Variants in ZNF423 observed in about 807,000 individuals in gnomAD.
ZNF423 encodes the protein zinc finger protein 423.
Under a neutral mutation model 95.8 loss-of-function variants are expected in ZNF423, and 12 were observed. That is an observed-to-expected ratio of 0.13 (90% CI 0.08 to 0.20). ZNF423 has a LOEUF of 0.20. Among genes scored for constraint, ZNF423 ranks in the 10% least tolerant of loss-of-function variants. The pLI is 1.00. For synonymous variants in ZNF423, 749 were observed against 711.9 expected (o/e 1.05, Z -0.83); for missense variants, 1,316 against 1,737.1 (o/e 0.76, Z 4.31).
At chr16:49,676,351 AG>A (rs2031048902) in intron 3 of ZNF423, among the ~76,000 whole-genome samples, 1 of 152,206 alleles carries the variant, frequency 6.6e-6, no homozygotes, top group Non-Finnish European at 1.5e-5. Context: ...GGAACTGGCA[AG>A]GGAGGGCTGC....
chr16:49,778,181 A>ATGTGTGTGAGAGTGTG (rs1186263839), intron 2 of ZNF423, among the ~76,000 whole-genome samples: 5 of 151,870 alleles, frequency 3.3e-5, no homozygotes, highest in African/African-American at 1.2e-4. Context: ...GCATAATCTC[A>ATGTGTGTGAGAGTGTG]TGTGTGTGAG....
intron 1 of ZNF423, among the ~76,000 whole-genome samples, chr16:49,853,377 C>T (rs1180450829): frequency 6.6e-6 from 1 of 152,142 alleles, no homozygotes; most frequent in African/African-American, 2.4e-5. Flanking sequence ...TATCTTCTCT[C>T]TTAATTCCTC....
rs954309971 is a variant in ZNF423, at chr16:49,844,683, A to G, written c.40+11052T>C. 7.2e-5 allele frequency among the ~76,000 whole-genome samples: 11 copies of G among 152,228 alleles called. 1 individual carries two copies. Among genetic ancestry groups the G allele is most frequent in the Admixed American group, 7.2e-4 (11 of 15,288 alleles). On this transcript the variant is annotated intron_variant, in intron 1 of 7. Coordinates refer to ENST00000563137, the MANE Select transcript of ZNF423 (RefSeq NM_001379286.1). ...CATTCATTCATTCACTTGTTCACCCATTCATATTTATTCCCCATTCATATT... is the reference window on the plus strand; with the variant it reads ...CATTCATTCATTCACTTGTTCACCCGTTCATATTTATTCCCCATTCATATT...
intron 1 of ZNF423, among the ~76,000 whole-genome samples, chr16:49,842,784 G>A (rs2035204384): frequency 1.3e-5 from 2 of 152,058 alleles, no homozygotes; most frequent in African/African-American, 2.4e-5. Flanking sequence ...GACCATCCTG[G>A]CCAACATGGT....
chr16:49,534,892 T>A (rs1969000751), intron 5 of ZNF423, among the ~76,000 whole-genome samples: 1 of 151,012 alleles, frequency 6.6e-6, no homozygotes, highest in Non-Finnish European at 1.5e-5. Flanking sequence ...TTTGTTCCCT[T>A]GTGGCTCGCT....
At chr16:49,607,266 A>T (rs1482111704) in intron 5 of ZNF423, among the ~76,000 whole-genome samples, 1 of 152,116 alleles carries the variant, frequency 6.6e-6, no homozygotes, top group Non-Finnish European at 1.5e-5. Context: ...TTTGTGGCTC[A>T]CTGCAGCCCT....
At chr16:49,583,988 C>A (rs550293711) in intron 5 of ZNF423, among the ~76,000 whole-genome samples, 2 of 152,324 alleles carry the variant, frequency 1.3e-5, no homozygotes, top group African/African-American at 4.8e-5. Context: ...TGAGCAGATA[C>A]CAGCCAGGCC....
At chr16:49,845,350 C>T (rs2035234041) in intron 1 of ZNF423, among the ~76,000 whole-genome samples, 1 of 151,546 alleles carries the variant, frequency 6.6e-6, no homozygotes, top group African/African-American at 2.4e-5. Context: ...GGTGATCTGC[C>T]CCCCTCAGCC....
At position 49,777,773 on chromosome 16, in the gene ZNF423, C is replaced by T. The variant is rs9923552; in HGVS notation, c.100+11714G>A. Among the ~76,000 whole-genome samples, 941 of 152,292 alleles carry T rather than the reference C, an allele frequency of 6.2e-3. 13 individuals carry two copies. Among genetic ancestry groups the T allele is most frequent in the African/African-American group, 0.022 (907 of 41,554 alleles). On this transcript the variant is annotated intron_variant, in intron 2 of 7. Transcript: ENST00000563137. ...TGGCCTCAGTTGCTCATCTGTGAGA[C>T]GGGAATGCTAATACTGTGGTTAACA... is the stretch of plus-strand genomic sequence containing the variant.
At chr16:49,675,720 C>G (rs1477810148) in intron 3 of ZNF423, among the ~76,000 whole-genome samples, 1 of 152,180 alleles carries the variant, frequency 6.6e-6, no homozygotes, top group Non-Finnish European at 1.5e-5. Context: ...AGCCTGGGAT[C>G]GATGCAGGCC....
intron 5 of ZNF423, among the ~76,000 whole-genome samples, chr16:49,557,061 G>A (rs72793523): frequency 0.12 from 17,775 of 152,226 alleles, 1,256 homozygotes; most frequent in Middle Eastern, 0.19. Flanking sequence ...TTTGGTGCCC[G>A]CTGTCACACA....
intron 5 of ZNF423, among the ~76,000 whole-genome samples, chr16:49,558,256 T>C (rs1457995972): frequency 6.6e-6 from 1 of 152,242 alleles, no homozygotes; most frequent in Non-Finnish European, 1.5e-5. Flanking sequence ...TCACAATCTC[T>C]GCACAGGGCT....
At chr16:49,829,860 G>C (rs1308132916) in intron 1 of ZNF423, among the ~76,000 whole-genome samples, 1 of 152,102 alleles carries the variant, frequency 6.6e-6, no homozygotes, top group Non-Finnish European at 1.5e-5. Flanking sequence ...TAAGATGGGG[G>C]ACAAGCGGCT....
intron 5 of ZNF423, among the ~76,000 whole-genome samples, chr16:49,561,177 T>C (rs1198010699): frequency 6.6e-6 from 1 of 152,222 alleles, no homozygotes; most frequent in African/African-American, 2.4e-5. Flanking sequence ...ACTGTGCGTT[T>C]CTCTTCCCAA....
chr16:49,727,834 G>A (rs1371670541), intron 3 of ZNF423, among the ~76,000 whole-genome samples: 5 of 152,220 alleles, frequency 3.3e-5, no homozygotes, highest in Admixed American at 6.5e-5. Context: ...TGCGCCCAGC[G>A]CGGCCCTCTC....
chr16:49,592,947 C>G (rs932988089), intron 5 of ZNF423, among the ~76,000 whole-genome samples: 1 of 152,198 alleles, frequency 6.6e-6, no homozygotes, highest in Non-Finnish European at 1.5e-5. Flanking sequence ...AGACAGCTTT[C>G]GTGCGGTTGT....
At chr16:49,495,161 G>A (rs1356808919) in intron 7 of ZNF423, among the ~76,000 whole-genome samples, 2 of 152,182 alleles carry the variant, frequency 1.3e-5, no homozygotes, top group African/African-American at 2.4e-5. Flanking sequence ...AGAAGCAGGT[G>A]AGGAAAATAA....
chr16:49,780,861 C>A (rs1808874038), intron 2 of ZNF423, among the ~76,000 whole-genome samples: 1 of 152,248 alleles, frequency 6.6e-6, no homozygotes, highest in African/African-American at 2.4e-5. Context: ...GGAAATTCTA[C>A]ATCTATTTAG....
chr16:49,749,761 T>C (rs1012008638), intron 2 of ZNF423, among the ~76,000 whole-genome samples: 6 of 143,096 alleles, frequency 4.2e-5, no homozygotes, highest in African/African-American at 1.6e-4. Context: ...CCACAACTCC[T>C]AGTTAAATGT....
Sources: allele counts gnomAD v4.1 joint callset (sites outside exome capture counted in the v4.1 genomes callset), GRCh38; gene constraint gnomAD v4.1.1; transcripts MANE v1.5; gene names NCBI Gene and HGNC (gene_info 2026-07-23, HGNC 2026-07-21).